The following UTRN variants were observed in gnomAD, a reference collection of about 807,000 sequenced individuals.
The protein encoded by UTRN is utrophin, also known as dystrophin-related protein 1.
Under a neutral mutation model 463.9 loss-of-function variants are expected in UTRN, and 283 were observed. The observed-to-expected ratio is 0.61, with a 90% CI of 0.55 to 0.67. The LOEUF (loss-of-function observed/expected upper bound fraction) is 0.67. Among genes scored for constraint, UTRN ranks in the 30% least tolerant of loss-of-function variants. The pLI is 0.00. For missense variants in UTRN, 3,922 were observed against 4,084.3 expected (o/e 0.96, Z 1.08); for synonymous variants, 1,442 against 1,431.5 (o/e 1.01, Z -0.17).
intron 14 of UTRN, 143 bp from the exon 15 acceptor site, chr6:144,447,068 A>G (rs1476684795): frequency 4.6e-6 from 3 of 648,366 alleles, no homozygotes; most frequent in East Asian, 2.7e-5. Context: ...TTTGTGCCTC[A>G]GACTTAGGTG....
rs370464074 is a variant in UTRN at position 144,700,121 on chromosome 6, A to G, written c.7687A>G (p.Arg2563Gly). Residue 2563 changes from arginine to glycine, a missense_variant, in exon 53 of 75, where the codon AGG becomes GGG. Arg to Gly is a moderately radical substitution (Grantham distance 125, BLOSUM62 -2). Transcript: ENST00000367545. ...HLEASAEKWN[R>G]LLMSLEELIK... The stretch of plus-strand genomic sequence containing the variant: ...GGAGGCCAGCGCTGAGAAGTGGAAC[A>G]GGTTGCTGATGTCCTTAGAAGAACT... 18 of 1,612,422 alleles carry G rather than the reference A, an allele frequency of 1.1e-5. No individual in the cohort carries two copies. Among genetic ancestry groups the G allele is most frequent in the East Asian group, 2.2e-5 (1 of 44,856 alleles).
chr6:144,744,854 G>A (rs1036553728), intron 54 of UTRN, among the ~76,000 whole-genome samples: 2 of 152,156 alleles, frequency 1.3e-5, no homozygotes, highest in Non-Finnish European at 2.9e-5. Context: ...ACTGTGCTCT[G>A]TGTTGACACA....
intron 34 of UTRN, among the ~76,000 whole-genome samples, chr6:144,500,901 A>G (rs1192337128): frequency 6.6e-6 from 1 of 152,198 alleles, no homozygotes; most frequent in Non-Finnish European, 1.5e-5. Context: ...CGAGTATACT[A>G]GTGGGAAGTG....
intron 50 of UTRN, among the ~76,000 whole-genome samples, chr6:144,561,132 T>C (rs775251334): frequency 6.7e-6 from 1 of 148,614 alleles, no homozygotes; most frequent in Non-Finnish European, 1.5e-5. Context: ...GCACAGTCAG[T>C]GTGGATGCCT....
At chr6:144,385,865 C>T (rs1448959254) in intron 2 of UTRN, among the ~76,000 whole-genome samples, 4 of 152,098 alleles carry the variant, frequency 2.6e-5, no homozygotes, top group African/African-American at 9.7e-5. Context: ...CACACCACCA[C>T]ACCTGGCTAA....
intron 53 of UTRN, among the ~76,000 whole-genome samples, chr6:144,713,278 A>T (rs1785936596): frequency 6.6e-6 from 1 of 152,126 alleles, no homozygotes; most frequent in South Asian, 2.1e-4. Context: ...TATTAGCTGG[A>T]TGAAGGAATA....
At chr6:144,363,503 C>T (rs1469299574) in intron 2 of UTRN, among the ~76,000 whole-genome samples, 1 of 152,136 alleles carries the variant, frequency 6.6e-6, no homozygotes, top group Non-Finnish European at 1.5e-5. Context: ...CTCAAGACAG[C>T]GTCTAGGTCC....
chr6:144,401,055 G>A (rs912277438), intron 2 of UTRN, among the ~76,000 whole-genome samples: 3 of 152,054 alleles, frequency 2.0e-5, no homozygotes, highest in African/African-American at 7.2e-5. Flanking sequence ...TAAATGCTCC[G>A]GAAACAGGTT....
chr6:144,368,331 G>A (rs1221645084), intron 2 of UTRN, among the ~76,000 whole-genome samples: 1 of 152,168 alleles, frequency 6.6e-6, no homozygotes, highest in Non-Finnish European at 1.5e-5. Flanking sequence ...GGAATAACAA[G>A]CCTGGCACAG....
intron 41 of UTRN, among the ~76,000 whole-genome samples, chr6:144,525,255 G>A (rs1311841262): frequency 1.3e-5 from 2 of 152,080 alleles, no homozygotes; most frequent in Admixed American, 6.6e-5. Flanking sequence ...GTGTCAGTAG[G>A]ATTGGTACCA....
At position 144,797,852 on chromosome 6, in the gene UTRN, A is replaced by C; in HGVS notation, c.9107A>C (p.Lys3036Thr). The change falls in exon 64 of 75, where the codon AAA becomes ACA. Residue 3036 changes from lysine to threonine, a missense_variant. Coordinates refer to ENST00000367545, the MANE Select transcript of UTRN (RefSeq NM_007124.3). Reference protein sequence around the residue: ...QNNNKPEISVKEFIDWMHLEP... With the variant: ...QNNNKPEISVTEFIDWMHLEP... ...AACAATAAACCAGAAATAAGTGTGA[A>C]AGAGTTTATAGATTGGATGCATTTG... The C allele has an allele frequency of 6.2e-7, 1 of 1,614,052 alleles. No homozygotes were observed. The highest frequency in any genetic ancestry group is 2.2e-5 in the East Asian group (1 of 44,864).
chr6:144,418,108 G>A (rs868358006), intron 3 of UTRN, among the ~76,000 whole-genome samples: 6 of 152,116 alleles, frequency 3.9e-5, no homozygotes, highest in Middle Eastern at 6.8e-3. Flanking sequence ...ATGCAGAAAG[G>A]CCAAGTAACT....
rs1776552009 is a variant in UTRN at position 144,789,200 on chromosome 6, A to G, written c.8841A>G (p.Arg2947=). ...NWLLNVYDTG[R]TGKIRVQSLK... is the part of the protein sequence containing the mutation. ...AACATTCTTATAATTTTAGGGGTCG[A>G]ACTGGAAAAATTAGAGTGCAGAGTC... is the stretch of plus-strand genomic sequence containing the variant. The change falls in exon 62 of 75, where the codon CGA becomes CGG. Residue 2947 remains arginine (R), a synonymous_variant. Coordinates refer to ENST00000367545, the MANE Select transcript of UTRN (RefSeq NM_007124.3). 6.2e-7 allele frequency: 1 copy of G among 1,613,102 alleles called. No individual in the cohort carries two copies. Among genetic ancestry groups the G allele is most frequent in the Non-Finnish European group, 8.5e-7 (1 of 1,179,590 alleles).
intron 25 of UTRN, among the ~76,000 whole-genome samples, chr6:144,478,349 A>G (rs928785673): frequency 2.0e-5 from 3 of 152,188 alleles, no homozygotes; most frequent in Non-Finnish European, 4.4e-5. Context: ...TGAAAATTAT[A>G]TTGCTGACTA....
chr6:144,333,573 G>A (rs1776492520), intron 2 of UTRN, among the ~76,000 whole-genome samples: 1 of 152,210 alleles, frequency 6.6e-6, no homozygotes, highest in Admixed American at 6.5e-5. Flanking sequence ...AAAATCTAAA[G>A]GTGGATTGCT....
intron 2 of UTRN, among the ~76,000 whole-genome samples, chr6:144,399,553 T>C (rs1194673330): frequency 6.6e-6 from 1 of 152,208 alleles, no homozygotes; most frequent in Non-Finnish European, 1.5e-5. Context: ...GCTACTTTCC[T>C]GAATAATAAG....
At chr6:144,692,065 C>T (rs528888633) in intron 52 of UTRN, among the ~76,000 whole-genome samples, 1 of 152,096 alleles carries the variant, frequency 6.6e-6, no homozygotes, top group South Asian at 2.1e-4. Flanking sequence ...CTGATAGGCC[C>T]CAGTGTTTGT....
chr6:144,448,886 T>C, intron 17 of UTRN, 117 bp downstream of exon 17: 1 of 1,235,398 alleles, frequency 8.1e-7, no homozygotes, highest in Non-Finnish European at 1.1e-6. Flanking sequence ...ATAAGTATTA[T>C]TATTATGAAA....
intron 2 of UTRN, among the ~76,000 whole-genome samples, chr6:144,375,421 C>T (rs1780365575): frequency 6.6e-6 from 1 of 152,212 alleles, no homozygotes; most frequent in African/African-American, 2.4e-5. Flanking sequence ...TAGCACAGAT[C>T]TAAAAGTGAT....
Sources: gnomAD v4.1 joint callset for allele counts (sites outside exome capture counted in the v4.1 genomes callset) on GRCh38, gnomAD v4.1.1 for gene constraint, MANE v1.5 for transcripts, NCBI Gene and HGNC (gene_info 2026-07-23, HGNC 2026-07-21) for gene names.